HS3ST5: variants seen among roughly 807,000 people sequenced by gnomAD.
The protein encoded by HS3ST5 is heparan sulfate glucosamine 3-O-sulfotransferase 5.
A neutral mutation model predicts 25.4 loss-of-function variants in HS3ST5; 10 were observed. That is an observed-to-expected ratio of 0.39 (90% CI 0.24 to 0.67). HS3ST5 has a LOEUF of 0.67. HS3ST5 is among the 30% of genes least tolerant of loss of function. The pLI, the probability that HS3ST5 is intolerant of heterozygous loss-of-function variation, is 0.44. For synonymous variants in HS3ST5, 170 were observed against 162.4 expected (o/e 1.05, Z -0.36); for missense variants, 324 against 420.7 (o/e 0.77, Z 2.01).
intron 3 of HS3ST5, among the ~76,000 whole-genome samples, chr6:114,103,726 G>A (rs1470825624): frequency 1.5e-5 from 2 of 137,796 alleles, no homozygotes; most frequent in South Asian, 2.3e-4. Flanking sequence ...TTTTTGAGAC[G>A]GAGTGTCTGT....
At chr6:114,297,455 A>C (rs1774876120) in intron 1 of HS3ST5, among the ~76,000 whole-genome samples, 1 of 152,336 alleles carries the variant, frequency 6.6e-6, no homozygotes, top group South Asian at 2.1e-4. Flanking sequence ...CAAGATTGGG[A>C]AACTGCAAAG....
intron 3 of HS3ST5, among the ~76,000 whole-genome samples, chr6:114,117,390 A>C (rs1776584111): frequency 6.6e-6 from 1 of 152,128 alleles, no homozygotes; most frequent in African/African-American, 2.4e-5. Flanking sequence ...TATGGGTTTG[A>C]ATTTGTCATT....
intron 4 of HS3ST5, among the ~76,000 whole-genome samples, chr6:114,060,454 G>A (rs1207341833): frequency 2.0e-5 from 3 of 152,202 alleles, no homozygotes; most frequent in Admixed American, 6.5e-5. Flanking sequence ...CATAGGCAAA[G>A]ATGCTTTTAA....
chr6:114,170,363 A>G (rs1347519184), intron 2 of HS3ST5, among the ~76,000 whole-genome samples: 11 of 152,108 alleles, frequency 7.2e-5, no homozygotes, highest in African/African-American at 2.7e-4. Flanking sequence ...TGAAGTTGTA[A>G]TGTAATTTTT....
intron 3 of HS3ST5, among the ~76,000 whole-genome samples, chr6:114,128,513 T>G (rs1777160085): frequency 6.6e-6 from 1 of 152,160 alleles, no homozygotes. Flanking sequence ...CCTTCACGAA[T>G]CTTACACACT....
intron 1 of HS3ST5, among the ~76,000 whole-genome samples, chr6:114,282,482 C>T (rs1774157978): frequency 6.6e-6 from 1 of 151,958 alleles, no homozygotes; most frequent in African/African-American, 2.4e-5. Flanking sequence ...GCTATTAGGC[C>T]ATGTCCAATT....
At chr6:114,066,093 C>T (rs1449404958) in intron 3 of HS3ST5, among the ~76,000 whole-genome samples, 2 of 152,228 alleles carry the variant, frequency 1.3e-5, no homozygotes, top group Admixed American at 6.5e-5. Context: ...CACAGTTAGA[C>T]ATTTCATTGT....
chr6:114,211,125 T>C (rs530271061), intron 2 of HS3ST5, among the ~76,000 whole-genome samples: 15 of 152,356 alleles, frequency 9.8e-5, no homozygotes, highest in Non-Finnish European at 1.9e-4. Flanking sequence ...CACATTCTTA[T>C]TACAAATATA....
At chr6:114,125,262 T>G (rs924000873) in intron 3 of HS3ST5, among the ~76,000 whole-genome samples, 7 of 152,178 alleles carry the variant, frequency 4.6e-5, no homozygotes, top group Non-Finnish European at 8.8e-5. Context: ...GAAAAGCATA[T>G]ACAACTTAAA....
chr6:114,163,827 C>T (rs1285105773), intron 3 of HS3ST5, among the ~76,000 whole-genome samples: 1 of 152,118 alleles, frequency 6.6e-6, no homozygotes, highest in Non-Finnish European at 1.5e-5. Context: ...CTCCTAGCCT[C>T]TCTTATAGTT....
intron 1 of HS3ST5, among the ~76,000 whole-genome samples, chr6:114,294,869 C>A (rs1355157873): frequency 1.3e-5 from 2 of 152,108 alleles, no homozygotes; most frequent in Non-Finnish European, 2.9e-5. Context: ...ATATCTAATT[C>A]TTCTATGTAT....
chr6:114,242,784 C>T (rs1022624964), intron 1 of HS3ST5, among the ~76,000 whole-genome samples: 38 of 147,670 alleles, frequency 2.6e-4, no homozygotes, highest in Non-Finnish European at 2.8e-4. Flanking sequence ...ACCCGGGAAG[C>T]GGAGCTTGCA....
chr6:114,083,730 G>A (rs1774598814), intron 3 of HS3ST5, among the ~76,000 whole-genome samples: 2 of 152,126 alleles, frequency 1.3e-5, no homozygotes, highest in Middle Eastern at 3.4e-3. Flanking sequence ...TCTAAGACTG[G>A]ATCTTTTAAA....
chr6:114,286,774 A>T (rs73542377), intron 1 of HS3ST5, among the ~76,000 whole-genome samples: 4,837 of 152,060 alleles, frequency 0.032, 271 homozygotes, highest in African/African-American at 0.11. Flanking sequence ...AATTAATTTT[A>T]AAAAGAAACC....
chr6:114,131,959 C>T (rs1450409249), intron 3 of HS3ST5: 1 of 152,050 alleles, frequency 6.6e-6, no homozygotes, highest in Non-Finnish European at 1.5e-5. Flanking sequence ...ATATGTTTTT[C>T]CTTCAATTTA....
chr6:114,327,121 A>T (rs1776204443), intron 1 of HS3ST5, among the ~76,000 whole-genome samples: 1 of 152,184 alleles, frequency 6.6e-6, no homozygotes, highest in Non-Finnish European at 1.5e-5. Context: ...TGTTAGAATG[A>T]TTAGTGTCTG....
At chr6:114,114,495 T>C (rs2114857312) in intron 3 of HS3ST5, among the ~76,000 whole-genome samples, 1 of 152,260 alleles carries the variant, frequency 6.6e-6, no homozygotes, top group African/African-American at 2.4e-5. Context: ...AATTATGTGA[T>C]CTCTTACAGC....
intron 1 of HS3ST5, among the ~76,000 whole-genome samples, chr6:114,240,397 T>C (rs1201315990): frequency 6.6e-6 from 1 of 152,120 alleles, no homozygotes; most frequent in Non-Finnish European, 1.5e-5. Flanking sequence ...CTCAATGAAA[T>C]GAAATGACCC....
At chr6:114,183,506 T>C (rs1780062280) in intron 2 of HS3ST5, among the ~76,000 whole-genome samples, 1 of 152,346 alleles carries the variant, frequency 6.6e-6, no homozygotes, top group South Asian at 2.1e-4. Flanking sequence ...GAAAATGGAC[T>C]AATACAGCCA....
Sources: allele counts gnomAD v4.1 joint callset (sites outside exome capture counted in the v4.1 genomes callset), GRCh38; gene constraint gnomAD v4.1.1; transcripts MANE v1.5; gene names NCBI Gene and HGNC (gene_info 2026-07-23, HGNC 2026-07-21).